SUMF1: variants seen among roughly 807,000 people sequenced by gnomAD.
SUMF1 encodes the protein formylglycine-generating enzyme.
Under a neutral mutation model 47.6 loss-of-function variants are expected in SUMF1, and 48 were observed. That is an observed-to-expected ratio of 1.01 (90% confidence interval 0.80 to 1.28). SUMF1 has a LOEUF of 1.28. SUMF1 is among the 50% of genes most tolerant of loss of function. The pLI is 0.00. For synonymous variants in SUMF1, 230 were observed against 192.1 expected, an observed-to-expected ratio of 1.20 and a Z score of -1.63; for missense variants, 571 against 485.4, an observed-to-expected ratio of 1.18 and a Z score of -1.66.
intron 8 of SUMF1, among the ~76,000 whole-genome samples, chr3:4,143,184 CA>C (rs1400632347): frequency 1.3e-5 from 2 of 152,126 alleles, no homozygotes; most frequent in East Asian, 3.9e-4. Flanking sequence ...GCTGAACAAA[CA>C]ACATCTACAT....
intron 8 of SUMF1, among the ~76,000 whole-genome samples, chr3:4,204,828 A>ATT (rs34086119): frequency 0.66 from 99,810 of 151,048 alleles, 33,062 homozygotes; most frequent in South Asian, 0.72. Flanking sequence ...TCTCTGCTTG[A>ATT]TTTTTTTTAT....
chr3:4,104,479 C>G lies in SUMF1; in HGVS notation c.1015-35734G>C, dbSNP rs947671795. Among the ~76,000 whole-genome samples, 10 of 152,070 alleles carry G rather than the reference C, an allele frequency of 6.6e-5. 1 individual carries two copies. Among genetic ancestry groups the G allele is most frequent in the African/African-American group, 1.9e-4 (8 of 41,364 alleles). ...GTGCCCCAACAGGTGATCTGTGGAG[C>G]CTGCAGCAGTGCATCTGCTCTTTAG... On this transcript the variant is annotated intron_variant and NMD_transcript_variant, in intron 8 of 12. Transcript: ENST00000448413.
chr3:4,246,762 T>C (rs1237476739), intron 8 of SUMF1, among the ~76,000 whole-genome samples: 1 of 152,118 alleles, frequency 6.6e-6, no homozygotes, highest in East Asian at 1.9e-4. Flanking sequence ...AGAGAAGTGG[T>C]TGAGTTAGCA....
intron 8 of SUMF1, among the ~76,000 whole-genome samples, chr3:4,212,569 T>G (rs1026458415): frequency 6.6e-6 from 1 of 152,120 alleles, no homozygotes; most frequent in Non-Finnish European, 1.5e-5. Flanking sequence ...GTTTGATGAA[T>G]TGACAGAAGT....
chr3:4,217,014 G>C (rs923314208), intron 8 of SUMF1, among the ~76,000 whole-genome samples: 1 of 152,104 alleles, frequency 6.6e-6, no homozygotes, highest in South Asian at 2.1e-4. Context: ...CCATTACTGG[G>C]AATATACCCA....
intron 7 of SUMF1, among the ~76,000 whole-genome samples, chr3:4,408,616 C>T (rs1389660918): frequency 2.6e-5 from 4 of 152,160 alleles, no homozygotes; most frequent in Admixed American, 2.0e-4. Context: ...TTGCTTGAGG[C>T]GAGGAGTTCG....
rs1485263 is a variant in SUMF1 at position 4,224,022 on chromosome 3, G to T, written c.1014+152308C>A. On this transcript the variant is annotated intron_variant and NMD_transcript_variant, in intron 8 of 12. Transcript: ENST00000448413. ...AAGAGTAAGCAAGAAGGAACAGGAG[G>T]GAAAAAGAATCAAGGGCAGGCAAAA... Among the ~76,000 whole-genome samples the T allele has an allele frequency of 2.6e-5, 4 of 152,154 alleles. No homozygotes were observed. The South Asian group carries it at 8.3e-4, about 32-fold the overall frequency.
chr3:4,393,515 T>C (rs1700943751), intron 7 of SUMF1, among the ~76,000 whole-genome samples: 1 of 152,098 alleles, frequency 6.6e-6, no homozygotes, highest in African/African-American at 2.4e-5. Context: ...TATTTTTTTA[T>C]AGAGACAACA....
intron 8 of SUMF1, among the ~76,000 whole-genome samples, chr3:4,221,199 CAT>C (rs1167570917): frequency 6.6e-6 from 1 of 152,130 alleles, no homozygotes; most frequent in Non-Finnish European, 1.5e-5. Context: ...CACCAAGAAA[CAT>C]GTGCTGATGC....
chr3:4,079,731 G>A (rs887515101), intron 8 of SUMF1, among the ~76,000 whole-genome samples: 10 of 149,874 alleles, frequency 6.7e-5, no homozygotes, highest in African/African-American at 2.2e-4. Flanking sequence ...AACACATATT[G>A]ATCTTAAGCA....
intron 8 of SUMF1, among the ~76,000 whole-genome samples, chr3:4,315,416 A>G (rs559781804): frequency 1.3e-5 from 2 of 152,288 alleles, no homozygotes; most frequent in South Asian, 4.1e-4. Flanking sequence ...CCCAGAGGAC[A>G]ATCTTCCATT....
intron 8 of SUMF1, among the ~76,000 whole-genome samples, chr3:4,279,653 T>C (rs1257889970): frequency 6.7e-6 from 1 of 150,134 alleles, no homozygotes; most frequent in Non-Finnish European, 1.5e-5. Context: ...AAGCAATAAA[T>C]GCAAAAAAAA....
At chr3:4,114,411 G>T (rs556748907) in intron 8 of SUMF1, among the ~76,000 whole-genome samples, 1 of 152,188 alleles carries the variant, frequency 6.6e-6, no homozygotes, top group Admixed American at 6.5e-5. Context: ...CCACATTTAA[G>T]GCAAGCTGCT....
intron 7 of SUMF1, among the ~76,000 whole-genome samples, chr3:4,391,198 G>A (rs375905487): frequency 5.3e-5 from 8 of 152,060 alleles, no homozygotes; most frequent in Non-Finnish European, 8.8e-5. Flanking sequence ...TCAAGATTTT[G>A]TCTTTCAACA....
At chr3:4,442,638 G>GAAAAAAAAAAAAAAAAA (rs61296884) in intron 3 of SUMF1, among the ~76,000 whole-genome samples, 10 of 61,276 alleles carry the variant, frequency 1.6e-4, no homozygotes, top group East Asian at 8.2e-4. Flanking sequence ...AGAGAAAAAG[G>GAAAAAAAAAAAAAAAAA]AAAAAAAAAA....
At chr3:4,219,960 T>C (rs916964774) in intron 8 of SUMF1, among the ~76,000 whole-genome samples, 8 of 151,218 alleles carry the variant, frequency 5.3e-5, no homozygotes, top group African/African-American at 1.9e-4. Flanking sequence ...AAGTAATGTT[T>C]CACATGAGCT....
At chr3:4,149,011 G>A (rs77634069) in intron 8 of SUMF1, among the ~76,000 whole-genome samples, 7 of 73,790 alleles carry the variant, frequency 9.5e-5, no homozygotes, top group African/African-American at 2.6e-4. Context: ...GCCCTGGTAC[G>A]AGAGAGACCT....
intron 9 of SUMF1, among the ~76,000 whole-genome samples, chr3:4,045,741 T>C (rs184845522): frequency 7.9e-5 from 12 of 152,266 alleles, no homozygotes; most frequent in Admixed American, 4.6e-4. Flanking sequence ...GAGAGAATCA[T>C]ACCCAAAGCC....
downstream of SUMF1, among the ~76,000 whole-genome samples, chr3:4,360,691 A>G (rs1699729951): frequency 6.6e-6 from 1 of 152,228 alleles, no homozygotes; most frequent in South Asian, 2.1e-4. Context: ...GCACAAAAGT[A>G]GCATTCAAGT....
Sources: gnomAD v4.1 joint callset for allele counts (sites outside exome capture counted in the v4.1 genomes callset) on GRCh38, gnomAD v4.1.1 for gene constraint, MANE v1.5 for transcripts, NCBI Gene and HGNC (gene_info 2026-07-23, HGNC 2026-07-21) for gene names.